Variants in SYNE1 observed in about 807,000 individuals in gnomAD.
The protein encoded by SYNE1 is nesprin-1.
Under a neutral mutation model 1,111.0 loss-of-function variants are expected in SYNE1, and 616 were observed. That is an observed-to-expected ratio of 0.55 (90% CI 0.52 to 0.59). SYNE1 has a LOEUF of 0.59. Ranked by LOEUF, SYNE1 falls within the 20% of genes least tolerant of loss-of-function variation. SYNE1 has a pLI of 0.00. For missense variants in SYNE1, 10,006 were observed against 10,417.0 expected, an observed-to-expected ratio of 0.96 and a Z score of 1.72; for synonymous variants, 3,855 against 3,825.8, an observed-to-expected ratio of 1.01 and a Z score of -0.28.
At chr6:152,453,530 C>T (rs752230924) in intron 25 of SYNE1, 56 bp downstream of exon 25, 3 of 1,613,758 alleles carry the variant, frequency 1.9e-6, no homozygotes, top group Non-Finnish European at 2.5e-6. Flanking sequence ...CCTTAACACG[C>T]TCAAGCTTCT....
In SYNE1 at chr6:152,436,064, G is replaced by T; in HGVS notation, c.4187C>A (p.Ala1396Asp). Residue 1396 changes from alanine (A) to aspartate (D), a missense_variant, in exon 33 of 146, where the codon GCT becomes GAT. This residue lies in a region of SYNE1 where 1,971 missense variants were observed against 2,084.1 expected (regional missense o/e 0.95). Coordinates refer to ENST00000367255, the MANE Select transcript of SYNE1 (RefSeq NM_182961.4). Reference sequence around the variant, plus strand: ...TGAAGCTTCCTTTACAAGGTTCTCAGCCTGGACTGCAATACTTTCTGTCCG... The same window carrying T: ...TGAAGCTTCCTTTACAAGGTTCTCATCCTGGACTGCAATACTTTCTGTCCG... Reference protein sequence around the residue: ...SKRTESIAVQAENLVKEASEI... With the variant: ...SKRTESIAVQDENLVKEASEI... 6.2e-7 allele frequency: 1 copy of T among 1,614,048 alleles called. No individual in the cohort carries two copies. The highest frequency in any genetic ancestry group is 8.5e-7 in the Non-Finnish European group (1 of 1,180,004).
intron 3 of SYNE1, among the ~76,000 whole-genome samples, chr6:152,621,252 T>G: frequency 6.6e-6 from 1 of 152,246 alleles, no homozygotes; most frequent in East Asian, 1.9e-4. Context: ...GAATATGGAA[T>G]CCCAGCCAAA....
At chr6:152,371,975 A>G (rs2154094223) in intron 59 of SYNE1, among the ~76,000 whole-genome samples, 1 of 151,794 alleles carries the variant, frequency 6.6e-6, no homozygotes, top group East Asian at 1.9e-4. Flanking sequence ...AAAGAAGAGA[A>G]AGGAAGGGAA....
chr6:152,309,478 A>T (rs995890460), intron 90 of SYNE1, among the ~76,000 whole-genome samples: 4 of 152,348 alleles, frequency 2.6e-5, no homozygotes, highest in African/African-American at 7.2e-5. Context: ...AATATGAAAA[A>T]AACTCTGTAA....
chr6:152,438,939 C>T (rs1474137391), intron 32 of SYNE1, among the ~76,000 whole-genome samples: 7 of 152,156 alleles, frequency 4.6e-5, no homozygotes, highest in Admixed American at 2.0e-4. Context: ...GGAAAAGGAC[C>T]TTTTGGATTG....
At chr6:152,465,033 C>T in intron 18 of SYNE1, 2 of 576,174 alleles carry the variant, frequency 3.5e-6, no homozygotes, top group South Asian at 2.0e-5. Flanking sequence ...TAATATAGTG[C>T]CCTCCCCTTT....
intron 95 of SYNE1, among the ~76,000 whole-genome samples, chr6:152,291,102 T>C (rs995350830): frequency 2.1e-5 from 3 of 141,120 alleles, no homozygotes; most frequent in Middle Eastern, 3.7e-3. Flanking sequence ...ATTAATATGA[T>C]ATATTAATAT....
chr6:152,395,573 T>C lies in SYNE1; in HGVS notation c.7655A>G (p.Glu2552Gly). The C allele has an allele frequency of 6.2e-7, 1 of 1,614,176 alleles. No homozygotes were observed. The highest frequency in any genetic ancestry group is 8.5e-7 in the Non-Finnish European group (1 of 1,180,012). Residue 2552 changes from glutamate to glycine, a missense_variant, in exon 51 of 146, where the codon GAG becomes GGG. By Grantham distance (98) the Glu-to-Gly change is moderately conservative. Around this residue, in one of 7 missense-constraint regions of SYNE1, gnomAD observed 4,955 missense variants for 5,017.2 expected, o/e 0.99. Transcript: ENST00000367255. ...AACTTTATGAACTTCATTTTTCTTC[T>C]CAGGAATGTGCTGTTTACTCTCTCC... ...NLGESKQHIPEKKNEVHKVEM... is the reference protein window; with the variant it reads ...NLGESKQHIPGKKNEVHKVEM...
intron 127 of SYNE1, among the ~76,000 whole-genome samples, chr6:152,199,638 T>C (rs1439982469): frequency 1.3e-5 from 2 of 152,220 alleles, no homozygotes; most frequent in Non-Finnish European, 2.9e-5. Flanking sequence ...TCCAGCTAGT[T>C]TTGTGTATAA....
intron 126 of SYNE1, 111 bp downstream of exon 126, chr6:152,206,057 A>C (rs2076443898): frequency 9.4e-7 from 1 of 1,063,744 alleles, no homozygotes. Context: ...AAAATACTGC[A>C]GGGTATTATT....
chr6:152,308,079 TC>T (rs1240357136), intron 91 of SYNE1, among the ~76,000 whole-genome samples: 2 of 152,068 alleles, frequency 1.3e-5, no homozygotes, highest in Non-Finnish European at 2.9e-5. Flanking sequence ...GATCCACCCA[TC>T]TTGGCCTCCC....
chr6:152,328,172 T>C (rs1401060790), intron 78 of SYNE1, among the ~76,000 whole-genome samples: 1 of 152,082 alleles, frequency 6.6e-6, no homozygotes, highest in East Asian at 1.9e-4. Context: ...GATGTCATTT[T>C]CCTGAGATCA....
intron 115 of SYNE1, among the ~76,000 whole-genome samples, chr6:152,229,538 ATAAT>A (rs1478214172): frequency 1.3e-5 from 2 of 152,302 alleles, no homozygotes; most frequent in African/African-American, 2.4e-5. Flanking sequence ...GATATTATTA[ATAAT>A]TAATTAATAG....
chr6:152,246,587 G>A (rs1271018181), intron 105 of SYNE1, among the ~76,000 whole-genome samples: 1 of 152,124 alleles, frequency 6.6e-6, no homozygotes, highest in African/African-American at 2.4e-5. Flanking sequence ...GGTTGAACCC[G>A]AGTATCTGAC....
chr6:152,575,278 T>C (rs981777066), intron 3 of SYNE1, among the ~76,000 whole-genome samples: 2 of 152,216 alleles, frequency 1.3e-5, no homozygotes, highest in African/African-American at 2.4e-5. Flanking sequence ...TTTTATTTAG[T>C]GGTCTGGGCT....
At chr6:152,189,981 T>C (rs1229913642) in intron 127 of SYNE1, among the ~76,000 whole-genome samples, 1 of 152,248 alleles carries the variant, frequency 6.6e-6, no homozygotes, top group Non-Finnish European at 1.5e-5. Flanking sequence ...CAGAACTTTT[T>C]TCAAAATTTG....
At chr6:152,523,004 G>A (rs1159708135) in intron 5 of SYNE1, among the ~76,000 whole-genome samples, 1 of 152,064 alleles carries the variant, frequency 6.6e-6, no homozygotes, top group African/African-American at 2.4e-5. Context: ...TCTATGGGTT[G>A]TCTGTTTACT....
At chr6:152,230,772 A>G (rs1588306630) in intron 114 of SYNE1, 70 bp from the exon 115 acceptor site, 1 of 1,500,798 alleles carries the variant, frequency 6.7e-7, no homozygotes, top group African/African-American at 1.4e-5. Flanking sequence ...CAGACTAATT[A>G]TTCTAGCCAG....
chr6:152,301,898 T>G lies in SYNE1; in HGVS notation c.17512A>C (p.Thr5838Pro), dbSNP rs752135269. Residue 5838 changes from threonine to proline, a missense_variant, in exon 92 of 146, where the codon ACG becomes CCG. Thr to Pro is a conservative substitution (Grantham distance 38). Around this residue, in one of 7 missense-constraint regions of SYNE1, gnomAD observed 4,955 missense variants for 5,017.2 expected, o/e 0.99. Coordinates refer to ENST00000367255, the MANE Select transcript of SYNE1 (RefSeq NM_182961.4). Reference protein sequence around the residue: ...TEDLDGELLPTPSAHPSVVMM... With the variant: ...TEDLDGELLPPPSAHPSVVMM... ...ACCACAGAGGGGTGGGCCGAAGGCG[T>G]GGGGAGGAGCTCCCCATCCAGGTCC... is the stretch of plus-strand genomic sequence containing the variant. The G allele has an allele frequency of 1.1e-5, 17 of 1,613,684 alleles. No individual in the cohort carries two copies. The African/African-American group carries it at 2.0e-4, about 19-fold the overall frequency.
Sources: allele counts gnomAD v4.1 joint callset (sites outside exome capture counted in the v4.1 genomes callset), GRCh38; gene constraint gnomAD v4.1.1; regional missense constraint gnomAD v4.1.1; transcripts MANE v1.5; gene names NCBI Gene and HGNC (gene_info 2026-07-23, HGNC 2026-07-21).